Variants in STX4 observed in about 807,000 individuals in gnomAD.
The protein encoded by STX4 is syntaxin 4, also known as syntaxin-4.
In STX4, 24 loss-of-function variants were observed where a neutral mutation model predicts 41.8. The observed-to-expected ratio is 0.57, with a 90% CI of 0.42 to 0.81. STX4 has a LOEUF of 0.81. STX4 is among the 30% of genes least tolerant of loss of function. The pLI is 0.00. For synonymous variants in STX4, 158 were observed against 156.4 expected, an observed-to-expected ratio of 1.01 and a Z score of -0.08; for missense variants, 316 against 389.9, an observed-to-expected ratio of 0.81 and a Z score of 1.60.
chr16:31,038,749 G>C (rs1462341271), intron 8 of STX4, 102 bp downstream of exon 8: 3 of 1,479,312 alleles, frequency 2.0e-6, no homozygotes, highest in Non-Finnish European at 2.7e-6. Flanking sequence ...GTGTCTTCCA[G>C]GTTTGGCCAT....
chr16:31,039,451 T>C lies in STX4; in HGVS notation c.703-90T>C. 3 of 1,394,196 alleles carry C rather than the reference T, an allele frequency of 2.2e-6. No individual in the cohort carries two copies. The highest frequency in any genetic ancestry group is 3.0e-6 in the Non-Finnish European group (3 of 1,008,428). 86.4% of individuals were successfully genotyped at this position (1,394,196 alleles called of 1,614,324 possible). On this transcript the variant is annotated intron_variant, in intron 8 of 10. Transcript: ENST00000313843. The surrounding 1 kb of genome is among the most constrained non-coding windows in gnomAD (Gnocchi z 4.1). ...GCCCTTGTCTTTGTTAGTGCAATTTTTTTTTCCTGCCAGGAATGTTCTTCA... is the reference window on the plus strand; with the variant it reads ...GCCCTTGTCTTTGTTAGTGCAATTTCTTTTTCCTGCCAGGAATGTTCTTCA...
In STX4 at chr16:31,039,969, A is replaced by G. The variant is rs2056831590; in HGVS notation, c.*73A>G. ...CTTCTCTCCCAGCAGCCTGGGGGGC[A>G]GGGCAGAGCCTCCAGTCGGACCCCT... On this transcript the variant is annotated 3_prime_UTR_variant, in exon 11 of 11. Coordinates refer to ENST00000313843, the MANE Select transcript of STX4 (RefSeq NM_004604.5). This position sits in a 1 kb window ranked among gnomAD's most constrained non-coding sequence, Gnocchi z 4.1. 8.1e-6 allele frequency: 6 copies of G among 745,058 alleles called. No individual in the cohort carries two copies. The East Asian group carries it at 1.5e-4, about 19-fold the overall frequency. The allele number at this position is 745,058 out of a possible 1,614,324, so 46.2% of individuals were successfully genotyped here. A position where few individuals can be genotyped will look rare whatever the true frequency, so the allele number is the denominator to read the frequency against.
chr16:31,034,977 G>A lies in STX4; in HGVS notation c.315G>A (p.Glu105=). The change falls in exon 5 of 11, where the codon GAG becomes GAA. Residue 105 remains glutamate (E), a synonymous_variant. Transcript: ENST00000313843. The part of the protein sequence containing the change: ...REIRLQLKAI[E]PQKEEADENY... Reference sequence around the variant, plus strand: ...CCCTGTGTCTTCCCACAGCCATAGAGCCCCAGAAGGAGGAAGCTGATGAGA... The same window carrying A: ...CCCTGTGTCTTCCCACAGCCATAGAACCCCAGAAGGAGGAAGCTGATGAGA... The A allele has an allele frequency of 6.2e-7, 1 of 1,609,048 alleles. No homozygotes were observed. Among genetic ancestry groups the A allele is most frequent in the East Asian group, 2.2e-5 (1 of 44,558 alleles).
intron 5 of STX4, among the ~76,000 whole-genome samples, chr16:31,036,405 G>A (rs1341533954): frequency 6.6e-6 from 1 of 152,148 alleles, no homozygotes; most frequent in East Asian, 1.9e-4. Context: ...GGGTCCATGT[G>A]GGCCTGTTGC....
chr16:31,037,517 G>T (rs1025567680), intron 5 of STX4, among the ~76,000 whole-genome samples: 1 of 150,668 alleles, frequency 6.6e-6, no homozygotes, highest in East Asian at 2.0e-4. Flanking sequence ...AAAATTAGCC[G>T]TGCGTGGTGG....
At chr16:31,037,701 A>G (rs969984099) in intron 5 of STX4, among the ~76,000 whole-genome samples, 1 of 151,362 alleles carries the variant, frequency 6.6e-6, no homozygotes, top group African/African-American at 2.4e-5. Flanking sequence ...AAATAAATAA[A>G]TAAATAAATA....
Position 31,033,951 on chromosome 16 carries a change from G to C in STX4, c.31-62G>C, listed in dbSNP as rs1397119230. ...CCAGGAAGGAAAGTCCCGGAAGCCT[G>C]TGGGTCCTGCGGGGTAAGAGCCGCA... On this transcript the variant is annotated intron_variant, in intron 1 of 10. Transcript: ENST00000313843. This position sits in a 1 kb window ranked among gnomAD's most constrained non-coding sequence, Gnocchi z 5.5. The C allele has an allele frequency of 6.7e-7, 1 of 1,487,612 alleles. No homozygotes were observed. Among genetic ancestry groups the C allele is most frequent in the African/African-American group, 1.4e-5 (1 of 71,310 alleles). The allele number at this position is 1,487,612 out of a possible 1,614,324, so 92.2% of individuals were successfully genotyped here.
In STX4 at chr16:31,033,958, C is replaced by T. The variant is rs1423854698; in HGVS notation, c.31-55C>T. 1.3e-6 allele frequency: 2 copies of T among 1,502,060 alleles called. No homozygotes were observed. The highest frequency in any genetic ancestry group is 4.8e-5 in the East Asian group (2 of 41,642). The allele number at this position is 1,502,060 out of a possible 1,614,324, so 93.0% of individuals were successfully genotyped here. On this transcript the variant is annotated intron_variant, in intron 1 of 10. Transcript: ENST00000313843. The surrounding 1 kb of genome is among the most constrained non-coding windows in gnomAD (Gnocchi z 5.5). ...GGAAAGTCCCGGAAGCCTGTGGGTC[C>T]TGCGGGGTAAGAGCCGCAGCGAAAC... is the stretch of plus-strand genomic sequence containing the variant.
upstream of STX4, chr16:31,033,488 C>T (rs2056770438): frequency 1.3e-6 from 2 of 1,550,518 alleles, no homozygotes; most frequent in Middle Eastern, 1.7e-4. This position sits in a 1 kb window ranked among gnomAD's most constrained non-coding sequence, Gnocchi z 5.5. Context: ...CCGACTCCAC[C>T]TTCCCAGCCT....
At chr16:31,037,242 T>G (rs2056807623) in intron 5 of STX4, among the ~76,000 whole-genome samples, 1 of 151,312 alleles carries the variant, frequency 6.6e-6, no homozygotes. Context: ...TTCTGTACTT[T>G]TAGTAGAGAT....
At position 31,039,552 on chromosome 16, in the gene STX4, C is replaced by G. The variant is rs532998208; in HGVS notation, c.714C>G (p.Ile238Met). ...ATEVEMQGEMINRIEKNILSS... is the reference protein window; with the variant it reads ...ATEVEMQGEMMNRIEKNILSS... ...CATCCTCTGAGCAGGGGGAGATGAT[C>G]AATCGGATTGAGAAGAACATCCTGA... Residue 238 changes from isoleucine (I) to methionine (M), a missense_variant, in exon 9 of 11, where the codon ATC becomes ATG. Physicochemically the swap from Ile to Met is conservative, Grantham distance 10. Transcript: ENST00000313843. The surrounding 1 kb of genome is among the most constrained non-coding windows in gnomAD (Gnocchi z 4.1). 4 of 1,613,964 alleles carry G rather than the reference C, an allele frequency of 2.5e-6. No homozygotes were observed. Among genetic ancestry groups the G allele is most frequent in the Non-Finnish European group, 3.4e-6 (4 of 1,180,022 alleles).
At chr16:31,037,765 AAG>A (rs2056812305) in intron 5 of STX4, among the ~76,000 whole-genome samples, 159 bp from the exon 6 acceptor site, 2 of 152,136 alleles carry the variant, frequency 1.3e-5, no homozygotes, top group African/African-American at 4.8e-5. Flanking sequence ...CTTTTAGTCT[AAG>A]AGAAATGGGG....
At position 31,037,208 on chromosome 16, in the gene STX4, C is replaced by T. The variant is rs142354835; in HGVS notation, c.379-718C>T. On this transcript the variant is annotated intron_variant, in intron 5 of 10. Coordinates refer to ENST00000313843, the MANE Select transcript of STX4 (RefSeq NM_004604.5). ...CCTCCCAAGTAGCTGGGACTACAGG[C>T]GCCCACCACTGCACCAAGCTAATTT... 3.1e-3 allele frequency among the ~76,000 whole-genome samples: 465 copies of T among 151,494 alleles called. 1 individual carries two copies. The highest frequency in any genetic ancestry group is 5.8e-3 in the Non-Finnish European group (394 of 67,792).
chr16:31,037,544 C>T (rs956943878), intron 5 of STX4, among the ~76,000 whole-genome samples: 1 of 151,270 alleles, frequency 6.6e-6, no homozygotes, highest in African/African-American at 2.4e-5. Context: ...CCTGTAGTCC[C>T]AGCTACTCGG....
At position 31,034,979 on chromosome 16, in the gene STX4, C is replaced by A. The variant is rs2056788685; in HGVS notation, c.317C>A (p.Pro106His). ...CTGTGTCTTCCCACAGCCATAGAGC[C>A]CCAGAAGGAGGAAGCTGATGAGAAC... ...EIRLQLKAIEPQKEEADENYN... is the reference protein window; with the variant it reads ...EIRLQLKAIEHQKEEADENYN... The change falls in exon 5 of 11, where the codon CCC (proline) becomes CAC (histidine). Residue 106 changes from proline to histidine, a missense_variant. Coordinates refer to ENST00000313843, the MANE Select transcript of STX4 (RefSeq NM_004604.5). 3 of 1,609,792 alleles carry A rather than the reference C, an allele frequency of 1.9e-6. No homozygotes were observed. Among genetic ancestry groups the A allele is most frequent in the Non-Finnish European group, 2.5e-6 (3 of 1,178,564 alleles).
At chr16:31,038,284 G>A in intron 7 of STX4, 94 bp downstream of exon 7, 1 of 1,502,876 alleles carries the variant, frequency 6.7e-7, no homozygotes, top group Non-Finnish European at 9.2e-7. Context: ...TGATCCTCCT[G>A]CCTCAGCCTC....
rs1344152044 is a variant in STX4 at position 31,033,598 on chromosome 16, TC to T, written c.-206del. 2.5e-5 allele frequency: 38 copies of T among 1,518,608 alleles called. No homozygotes were observed. The highest frequency in any genetic ancestry group is 1.9e-4 in the Middle Eastern group (1 of 5,342). 94.1% of individuals were successfully genotyped at this position (1,518,608 alleles called of 1,614,324 possible). ...GCTGGAGCGGGGAAGAAAAGGGAAT[TC>T]CAACCTGTGGAACCTTGGGGGGTCC... On this transcript the variant is annotated 5_prime_UTR_variant, in exon 1 of 11. Transcript: ENST00000313843. The surrounding 1 kb of genome is among the most constrained non-coding windows in gnomAD (Gnocchi z 5.5).
chr16:31,037,064 C>CTT (rs1369520275), intron 5 of STX4, among the ~76,000 whole-genome samples: 5 of 122,282 alleles, frequency 4.1e-5, no homozygotes, highest in South Asian at 5.3e-4. Flanking sequence ...ACCCCCCCCC[C>CTT]TTTTTTTTTT....
In STX4 at chr16:31,038,551, G is replaced by A. The variant is rs1001322275; in HGVS notation, c.606G>A (p.Glu202=). The change falls in exon 8 of 11, where the codon GAG becomes GAA. Residue 202 remains glutamate, a synonymous_variant. Transcript: ENST00000313843. ...AGGTGACTCGACAGGCCTTAAATGA[G>A]ATCTCGGCCCGGCACAGTGAGATCC... is the stretch of plus-strand genomic sequence containing the variant. The part of the protein sequence containing the change: ...DTQVTRQALN[E]ISARHSEIQQ... The A allele has an allele frequency of 1.9e-6, 3 of 1,614,080 alleles. No individual in the cohort carries two copies. Among genetic ancestry groups the A allele is most frequent in the Middle Eastern group, 3.3e-4 (2 of 6,062 alleles).
Sources: allele counts gnomAD v4.1 joint callset (sites outside exome capture counted in the v4.1 genomes callset), GRCh38; gene constraint gnomAD v4.1.1; non-coding constraint Gnocchi (gnomAD v3.1); transcripts MANE v1.5; gene names NCBI Gene and HGNC (gene_info 2026-07-23, HGNC 2026-07-21).